Variants in DGKG observed in about 807,000 individuals in gnomAD.
The protein encoded by DGKG is diacylglycerol kinase gamma.
DGKG carries 78 observed loss-of-function variants against 105.3 expected under a neutral mutation model. That is an observed-to-expected ratio of 0.74 (90% CI 0.62 to 0.89). The LOEUF (loss-of-function observed/expected upper bound fraction) is 0.89. DGKG is among the 40% of genes least tolerant of loss of function. The pLI is 0.00. For missense variants in DGKG, 958 were observed against 1,020.1 expected, an observed-to-expected ratio of 0.94 and a Z score of 0.83; for synonymous variants, 346 against 367.1, an observed-to-expected ratio of 0.94 and a Z score of 0.66.
At chr3:186,293,033 A>C (rs951436078) in intron 5 of DGKG, among the ~76,000 whole-genome samples, 1 of 152,104 alleles carries the variant, frequency 6.6e-6, no homozygotes, top group Non-Finnish European at 1.5e-5. Flanking sequence ...TTTTTCACAC[A>C]CCCTGCTTCC....
At chr3:186,269,144 C>T (rs1722199108) in intron 11 of DGKG, among the ~76,000 whole-genome samples, 1 of 152,254 alleles carries the variant, frequency 6.6e-6, no homozygotes, top group Non-Finnish European at 1.5e-5. Context: ...CTCGCTTTGC[C>T]ACATTTTGAA....
intron 5 of DGKG, among the ~76,000 whole-genome samples, chr3:186,296,914 C>T (rs1723592101): frequency 6.6e-6 from 1 of 152,198 alleles, no homozygotes; most frequent in Non-Finnish European, 1.5e-5. Context: ...AACTCCTCAA[C>T]TTATTCAAAA....
At chr3:186,257,152 A>G (rs1721518309) in intron 17 of DGKG, among the ~76,000 whole-genome samples, 1 of 152,182 alleles carries the variant, frequency 6.6e-6, no homozygotes, top group South Asian at 2.1e-4. Flanking sequence ...TGTCCTCCCC[A>G]GTGCTCCCCC....
intron 14 of DGKG, among the ~76,000 whole-genome samples, chr3:186,263,521 C>T (rs533479354): frequency 6.6e-6 from 1 of 152,066 alleles, no homozygotes; most frequent in East Asian, 1.9e-4. Context: ...GAGCTGAGAT[C>T]GCACCATTGC....
At chr3:186,349,700 T>C (rs1726534087) in intron 1 of DGKG, among the ~76,000 whole-genome samples, 1 of 152,194 alleles carries the variant, frequency 6.6e-6, no homozygotes, top group Admixed American at 6.5e-5. Flanking sequence ...ATACGTTTGA[T>C]TGAGATGTGT....
intron 24 of DGKG, among the ~76,000 whole-genome samples, chr3:186,155,934 C>G (rs2108471350): frequency 6.6e-6 from 1 of 152,206 alleles, no homozygotes; most frequent in East Asian, 1.9e-4. Context: ...AATATTATTT[C>G]ATAGATTTAT....
chr3:186,261,562 A>G, intron 15 of DGKG, 137 bp downstream of exon 15: 1 of 697,430 alleles, frequency 1.4e-6, no homozygotes, highest in South Asian at 1.6e-5. Context: ...CACTTGGGCC[A>G]GGTCATAAAG....
In DGKG at chr3:186,187,741, G is replaced by A. The variant is rs140455981; in HGVS notation, c.2095+461C>T. On this transcript the variant is annotated intron_variant, in intron 22 of 24. Transcript: ENST00000265022. ...CCTGGGGATCCTCCAGCATCAAGAGGTCAGAGAGAAATGAGACCGAGAAGG... is the reference window on the plus strand; with the variant it reads ...CCTGGGGATCCTCCAGCATCAAGAGATCAGAGAGAAATGAGACCGAGAAGG... Among the ~76,000 whole-genome samples the A allele has an allele frequency of 5.5e-3, 831 of 152,288 alleles. 5 individuals carry two copies. Among genetic ancestry groups the A allele is most frequent in the Non-Finnish European group, 8.7e-3 (593 of 68,034 alleles).
chr3:186,234,213 A>G (rs746334481), intron 20 of DGKG, among the ~76,000 whole-genome samples: 3 of 152,230 alleles, frequency 2.0e-5, no homozygotes, highest in Non-Finnish European at 4.4e-5. Context: ...GAGGCCAATG[A>G]TCACTTCTCT....
Position 186,247,991 on chromosome 3 carries a change from CCCTT to C in DGKG, c.1761+3764_1761+3767del, listed in dbSNP as rs561438259. On this transcript the variant is annotated intron_variant, in intron 19 of 24. Coordinates refer to ENST00000265022, the MANE Select transcript of DGKG (RefSeq NM_001346.3). Reference sequence around the variant, plus strand: ...TTCCTTCCTTCTTTCCTTCCTTCCTCCCTTCCTTCCTTCCTTCCTCCCTCCCTTC... The same window carrying C: ...TTCCTTCCTTCTTTCCTTCCTTCCTCCCTTCCTTCCTTCCTCCCTCCCTTC... Among the ~76,000 whole-genome samples the C allele has an allele frequency of 1.2e-3, 177 of 151,052 alleles. 1 individual carries two copies. Among genetic ancestry groups the C allele is most frequent in the Non-Finnish European group, 2.0e-3 (136 of 67,404 alleles).
Position 186,148,751 on chromosome 3 carries a change from T to C in DGKG, c.*1339A>G. ...AGGTCTTTCATGCTTGTTTTGAGGA[T>C]CCAGAATAGGAGTTCTCGGTCTCTT... On this transcript the variant is annotated 3_prime_UTR_variant, in exon 25 of 25. Transcript: ENST00000265022. 7.1e-6 allele frequency: 7 copies of C among 985,468 alleles called. No homozygotes were observed. The highest frequency in any genetic ancestry group is 8.4e-6 in the Non-Finnish European group (7 of 829,864). The allele number at this position is 985,468 out of a possible 1,614,324, so 61.0% of individuals were successfully genotyped here.
At chr3:186,252,948 G>T in intron 18 of DGKG, 145 bp downstream of exon 18, 1 of 686,658 alleles carries the variant, frequency 1.5e-6, no homozygotes, top group Non-Finnish European at 2.6e-6. Flanking sequence ...CAGAGAAAGG[G>T]TCATGGACTT....
At chr3:186,197,152 G>C (rs779569830) in intron 21 of DGKG, among the ~76,000 whole-genome samples, 2 of 152,090 alleles carry the variant, frequency 1.3e-5, no homozygotes, top group African/African-American at 2.4e-5. Context: ...AGTTGGCCGG[G>C]GGGTAGCTCT....
rs1320290317 is a variant in DGKG, at chr3:186,348,695, C to T, written c.-249+13251G>A. Among the ~76,000 whole-genome samples the T allele has an allele frequency of 3.9e-5, 6 of 151,974 alleles. No individual in the cohort carries two copies. The East Asian group carries it at 1.2e-3, about 29-fold the overall frequency. On this transcript the variant is annotated intron_variant, in intron 1 of 24. Coordinates refer to ENST00000265022, the MANE Select transcript of DGKG (RefSeq NM_001346.3). The stretch of plus-strand genomic sequence containing the variant: ...TCAAACTCCTGGGCTCAAGTGACTG[C>T]CTGCCTTGGCCTCCCCAAGTGCTTG...
intron 1 of DGKG, among the ~76,000 whole-genome samples, chr3:186,341,975 A>G (rs1426386491): frequency 1.3e-5 from 2 of 152,198 alleles, no homozygotes; most frequent in Non-Finnish European, 2.9e-5. Flanking sequence ...ATGAGGACAC[A>G]TGGACACAGG....
chr3:186,187,677 T>C (rs1375160277), intron 22 of DGKG, among the ~76,000 whole-genome samples: 1 of 152,120 alleles, frequency 6.6e-6, no homozygotes, highest in African/African-American at 2.4e-5. Flanking sequence ...ATCAAGGGCT[T>C]AAGTACAGAC....
intron 1 of DGKG, among the ~76,000 whole-genome samples, chr3:186,340,515 T>C (rs1726039354): frequency 6.6e-6 from 1 of 152,318 alleles, no homozygotes; most frequent in African/African-American, 2.4e-5. Flanking sequence ...ATCATTTTAT[T>C]TGATTGACTG....
At chr3:186,246,776 G>C (rs891266876) in intron 19 of DGKG, among the ~76,000 whole-genome samples, 6 of 152,168 alleles carry the variant, frequency 3.9e-5, no homozygotes, top group African/African-American at 1.4e-4. Context: ...ATGGTGGGAA[G>C]CTTGTCTGGT....
chr3:186,338,372 C>T (rs1725931772), intron 1 of DGKG, among the ~76,000 whole-genome samples: 2 of 152,182 alleles, frequency 1.3e-5, no homozygotes, highest in Middle Eastern at 6.8e-3. Flanking sequence ...TTACTAGCTA[C>T]GTGACTGGTA....
Sources: gnomAD v4.1 joint callset for allele counts (sites outside exome capture counted in the v4.1 genomes callset) on GRCh38, gnomAD v4.1.1 for gene constraint, MANE v1.5 for transcripts, NCBI Gene and HGNC (gene_info 2026-07-23, HGNC 2026-07-21) for gene names.